The following PLEKHN1 variants were observed in gnomAD, a reference collection of about 807,000 sequenced individuals.
PLEKHN1 encodes the protein pleckstrin homology domain-containing family N member 1.
In PLEKHN1, 68 loss-of-function variants were observed where a neutral mutation model predicts 72.8. The ratio of observed to expected loss-of-function variants is 0.93; its 90% CI spans 0.77 to 1.14. PLEKHN1 has a LOEUF of 1.14. Among genes scored for constraint, PLEKHN1 ranks in the 50% most tolerant of loss-of-function variants. PLEKHN1 has a pLI of 0.00. For missense variants in PLEKHN1, 1,015 were observed against 840.5 expected (o/e 1.21, Z -2.57); for synonymous variants, 454 against 371.6 (o/e 1.22, Z -2.55).
At chr1:971,043 ATCCTCGCAGCCGGCTCTGACCTCC>A (rs1570033773) in intron 6 of PLEKHN1, 37 bp downstream of exon 6, 2 of 1,251,158 alleles carry the variant, frequency 1.6e-6, no homozygotes, top group African/African-American at 3.0e-5. Context: ...CCCCACCCTG[ATCCTCGCAGCCGGCTCTGACCTCC>A]TCCTCACAGG....
intron 2 of PLEKHN1, among the ~76,000 whole-genome samples, chr1:968,690 G>A (rs1643131386): frequency 6.6e-6 from 1 of 152,226 alleles, no homozygotes; most frequent in Non-Finnish European, 1.5e-5. Flanking sequence ...GAGTGCAGAG[G>A]ATCAGGGAAG....
rs1478944147 is a variant in PLEKHN1 at position 975,811 on chromosome 1, G to C, written c.*1236G>C. The C allele has an allele frequency of 8.7e-6, 2 of 230,782 alleles. No homozygotes were observed. Among genetic ancestry groups the C allele is most frequent in the South Asian group, 7.0e-5 (1 of 14,290 alleles). 14.3% of individuals were successfully genotyped at this position (230,782 alleles called of 1,614,324 possible). A position where few individuals can be genotyped will look rare whatever the true frequency, so the allele number is the denominator to read the frequency against. On this transcript the variant is annotated 3_prime_UTR_variant, in exon 16 of 16. Transcript: ENST00000379410. ...CACCCCAGAAGAAACGCAGGGTGCG[G>C]TTGCATTTGATTTCAGATAAACAAC...
chr1:973,414 G>T, intron 12 of PLEKHN1, 86 bp from the exon 13 acceptor site: 2 of 1,568,806 alleles, frequency 1.3e-6, no homozygotes, highest in Non-Finnish European at 1.7e-6. Flanking sequence ...TTGTCCTGGA[G>T]CCACCCAGAG....
rs567050850 is a variant in PLEKHN1 at position 970,538 on chromosome 1, C to T, written c.348C>T (p.Tyr116=). Residue 116 remains tyrosine, a synonymous_variant, in exon 4 of 16, where the codon TAC becomes TAT. Transcript: ENST00000379410. This position sits in a 1 kb window ranked among gnomAD's most constrained non-coding sequence, Gnocchi z 4.2. ...FQHSQDVSDC[Y]LELFPAHLYF... The stretch of plus-strand genomic sequence containing the variant: ...CCGCGCAGGATGTCAGCGACTGCTA[C>T]CTGGAGCTATTCCCCGCCCACCTGT... 29 of 1,613,184 alleles carry T rather than the reference C, an allele frequency of 1.8e-5. No individual in the cohort carries two copies. The East Asian group carries it at 6.2e-4, about 35-fold the overall frequency.
At chr1:973,042 G>C in intron 11 of PLEKHN1, 32 bp downstream of exon 11, 1 of 1,582,254 alleles carries the variant, frequency 6.3e-7, no homozygotes, top group Non-Finnish European at 8.6e-7. Flanking sequence ...GACGAAAGTG[G>C]GGCAGAAGGC....
intron 8 of PLEKHN1, among the ~76,000 whole-genome samples, chr1:971,793 GC>G (rs918870494): frequency 4.6e-5 from 7 of 150,738 alleles, no homozygotes; most frequent in Non-Finnish European, 8.9e-5. Flanking sequence ...CAAACACAGG[GC>G]CCTCCCCATG....
chr1:972,428 A>AG lies in PLEKHN1; in HGVS notation c.1002+8dup. 6.4e-7 allele frequency: 1 copy of AG among 1,559,640 alleles called. No homozygotes were observed. The highest frequency in any genetic ancestry group is 8.6e-7 in the Non-Finnish European group (1 of 1,156,370). ...CGAGAGCTTCCCAGGGTCGCAGGTGAGGGGTCAATAGGCCCCACAGCCCAG... is the reference window on the plus strand; with the variant it reads ...CGAGAGCTTCCCAGGGTCGCAGGTGAGGGGGTCAATAGGCCCCACAGCCCAG... On this transcript the variant is annotated splice_donor_region_variant and intron_variant, in intron 10 of 15. Coordinates refer to ENST00000379410, the MANE Select transcript of PLEKHN1 (RefSeq NM_032129.3).
Position 971,319 on chromosome 1 carries a change from C to G in PLEKHN1, c.709-5C>G. 6.4e-7 allele frequency: 1 copy of G among 1,569,828 alleles called. No individual in the cohort carries two copies. The highest frequency in any genetic ancestry group is 8.6e-7 in the Non-Finnish European group (1 of 1,157,550). On this transcript the variant is annotated splice_region_variant and splice_polypyrimidine_tract_variant and intron_variant, in intron 7 of 15. Coordinates refer to ENST00000379410, the MANE Select transcript of PLEKHN1 (RefSeq NM_032129.3). ...CATCGCCTGACCCCACCCCCACCCACCCAGGAGCAGTGGGACCGGCTCTTG... is the reference window on the plus strand; with the variant it reads ...CATCGCCTGACCCCACCCCCACCCAGCCAGGAGCAGTGGGACCGGCTCTTG...
At position 970,513 on chromosome 1, in the gene PLEKHN1, C is replaced by G; in HGVS notation, c.331-8C>G. ...GACTCCGCACTGACGACCCTGCTCC[C>G]CGCGCAGGATGTCAGCGACTGCTAC... On this transcript the variant is annotated splice_polypyrimidine_tract_variant and splice_region_variant and intron_variant, in intron 3 of 15. Coordinates refer to ENST00000379410, the MANE Select transcript of PLEKHN1 (RefSeq NM_032129.3). The surrounding 1 kb of genome is among the most constrained non-coding windows in gnomAD (Gnocchi z 4.2). The G allele has an allele frequency of 6.2e-7, 1 of 1,612,874 alleles. No individual in the cohort carries two copies. The highest frequency in any genetic ancestry group is 8.5e-7 in the Non-Finnish European group (1 of 1,179,698).
rs762227316 is a variant in PLEKHN1, at chr1:974,802, G to A, written c.*227G>A. On this transcript the variant is annotated 3_prime_UTR_variant, in exon 16 of 16. Coordinates refer to ENST00000379410, the MANE Select transcript of PLEKHN1 (RefSeq NM_032129.3). ...TCCAAAGGATGCCCTGGCCAGCGAG[G>A]CTGGGTCACAGGTCAGGGAGGTCCT... 36 of 620,436 alleles carry A rather than the reference G, an allele frequency of 5.8e-5. No homozygotes were observed. The highest frequency in any genetic ancestry group is 9.3e-5 in the Non-Finnish European group (34 of 365,720). 38.4% of individuals were successfully genotyped at this position (620,436 alleles called of 1,614,324 possible). A position where few individuals can be genotyped will look rare whatever the true frequency, so the allele number is the denominator to read the frequency against.
Position 974,106 on chromosome 1 carries a change from T to A in PLEKHN1, c.1653+55T>A. On this transcript the variant is annotated intron_variant, in intron 14 of 15. Coordinates refer to ENST00000379410, the MANE Select transcript of PLEKHN1 (RefSeq NM_032129.3). The stretch of plus-strand genomic sequence containing the variant: ...CCGGGCTCCGGGCTGGCCGGGGGTC[T>A]GGTGTGGGGCCTCTTGGGACTCTGA... 10 of 1,520,350 alleles carry A rather than the reference T, an allele frequency of 6.6e-6. No homozygotes were observed. The South Asian group carries it at 1.2e-4, about 18-fold the overall frequency. The allele number at this position is 1,520,350 out of a possible 1,614,324, so 94.2% of individuals were successfully genotyped here.
rs562433106 is a variant in PLEKHN1 at position 969,309 on chromosome 1, G to A, written c.184-968G>A. Among the ~76,000 whole-genome samples, 10 of 152,374 alleles carry A rather than the reference G, an allele frequency of 6.6e-5. No individual in the cohort carries two copies. In the South Asian group the frequency reaches 2.1e-3, roughly 32 times the overall value. ...ACCACTAGACCAGGCAGCTCTGTGT[G>A]GGGAAGTGTGTCTGTGTGTGCGTGT... On this transcript the variant is annotated intron_variant, in intron 2 of 15. Transcript: ENST00000379410.
chr1:971,624 C>A (rs1169502559), intron 8 of PLEKHN1: 4 of 605,120 alleles, frequency 6.6e-6, no homozygotes, highest in Non-Finnish European at 1.2e-5. Flanking sequence ...GACCGTCACC[C>A]TGGGGCGGGC....
At chr1:969,551 TATGTGTATAC>T (rs1373394276) in intron 2 of PLEKHN1, among the ~76,000 whole-genome samples, 33 of 152,326 alleles carry the variant, frequency 2.2e-4, no homozygotes, top group African/African-American at 7.5e-4. Flanking sequence ...TGCACGTGTG[TATGTGTATAC>T]ATGTGTATGG....
Position 971,150 on chromosome 1 carries a change from A to C in PLEKHN1, c.650A>C (p.Glu217Ala), listed in dbSNP as rs754835681. The C allele has an allele frequency of 1.9e-6, 3 of 1,600,474 alleles. No individual in the cohort carries two copies. The highest frequency in any genetic ancestry group is 2.7e-5 in the African/African-American group (2 of 74,680). ...LTRLRTASGH[E>A]PGGSAVCASR... is the part of the protein sequence containing the mutation. Reference sequence around the variant, plus strand: ...CGGCTGCGGACGGCGTCAGGGCACGAACCCGGCGGCAGTGCTGTCTGTGCC... The same window carrying C: ...CGGCTGCGGACGGCGTCAGGGCACGCACCCGGCGGCAGTGCTGTCTGTGCC... The change falls in exon 7 of 16, where the codon GAA becomes GCA. Residue 217 changes from glutamate (E) to alanine (A), a missense_variant. Coordinates refer to ENST00000379410, the MANE Select transcript of PLEKHN1 (RefSeq NM_032129.3).
At position 966,605 on chromosome 1, in the gene PLEKHN1, AGG is replaced by A. The variant is rs1279603046; in HGVS notation, c.76_77del (p.Gly26LysfsTer262). On this transcript the variant is annotated frameshift_variant, in exon 1 of 16. Coordinates refer to ENST00000379410, the MANE Select transcript of PLEKHN1 (RefSeq NM_032129.3). LOFTEE classifies it high-confidence loss of function. ...TCCTTCTCCAGAAAGCCCTCGCTGA[AGG>A]GAAACAGGTGAGCGGGGCGTGGGTG... The A allele has an allele frequency of 6.2e-7, 1 of 1,610,472 alleles. No homozygotes were observed. The highest frequency in any genetic ancestry group is 8.5e-7 in the Non-Finnish European group (1 of 1,178,446).
intron 8 of PLEKHN1, 108 bp from the exon 9 acceptor site, chr1:971,967 C>G (rs984377884): frequency 4.9e-5 from 54 of 1,108,454 alleles, no homozygotes; most frequent in Non-Finnish European, 7.1e-5. Flanking sequence ...CGGTGCCCAG[C>G]TCTCCAAGTA....
intron 2 of PLEKHN1, among the ~76,000 whole-genome samples, chr1:967,542 C>T (rs1436138347): frequency 2.6e-5 from 4 of 152,170 alleles, no homozygotes; most frequent in Non-Finnish European, 5.9e-5. Flanking sequence ...GGGTGGGCTC[C>T]GCTATGTGCA....
At position 970,429 on chromosome 1, in the gene PLEKHN1, G is replaced by A. The variant is rs559496811; in HGVS notation, c.330+6G>A. The A allele has an allele frequency of 2.0e-5, 33 of 1,613,280 alleles. No homozygotes were observed. The East Asian group carries it at 6.5e-4, about 32-fold the overall frequency. ...TGCGGTTCCAGCACAGCCAGGTGGG[G>A]GCCGGGCTGGGTGGAGCACGCTAAG... On this transcript the variant is annotated splice_donor_region_variant and intron_variant, in intron 3 of 15. Transcript: ENST00000379410. This position sits in a 1 kb window ranked among gnomAD's most constrained non-coding sequence, Gnocchi z 4.2.
Sources: allele counts gnomAD v4.1 joint callset (sites outside exome capture counted in the v4.1 genomes callset), GRCh38; gene constraint gnomAD v4.1.1; non-coding constraint Gnocchi (gnomAD v3.1); transcripts MANE v1.5; gene names NCBI Gene and HGNC (gene_info 2026-07-23, HGNC 2026-07-21).